The following GDPD4 variants were observed in gnomAD, a reference collection of about 807,000 sequenced individuals.
The protein encoded by GDPD4 is glycerophosphodiester phosphodiesterase 6.
A neutral mutation model predicts 67.8 loss-of-function variants in GDPD4; 60 were observed. That is an observed-to-expected ratio of 0.88 (90% CI 0.72 to 1.10). The LOEUF (loss-of-function observed/expected upper bound fraction) is 1.10, where lower values mean the gene tolerates loss of function less well. GDPD4 is among the 50% of genes least tolerant of loss of function. The pLI is 0.00. For missense variants in GDPD4, 623 were observed against 613.9 expected (o/e 1.01, Z -0.16); for synonymous variants, 212 against 210.9 (o/e 1.00, Z -0.04).
chr11:77,256,495 A>G (rs891671645), intron 11 of GDPD4, among the ~76,000 whole-genome samples: 3 of 152,238 alleles, frequency 2.0e-5, no homozygotes, highest in Non-Finnish European at 2.9e-5. Context: ...GCTATTTCTT[A>G]TATCAATACT....
At chr11:77,253,620 C>T (rs900177976) in intron 11 of GDPD4, among the ~76,000 whole-genome samples, 4 of 152,146 alleles carry the variant, frequency 2.6e-5, no homozygotes, top group African/African-American at 9.7e-5. Flanking sequence ...GTTAGCTCAG[C>T]CATGGAACGT....
chr11:77,284,863 A>G (rs1367332997), intron 3 of GDPD4, among the ~76,000 whole-genome samples: 5 of 152,212 alleles, frequency 3.3e-5, no homozygotes, highest in Non-Finnish European at 7.4e-5. Flanking sequence ...GATTTAGTCT[A>G]AGTATGAGAC....
At chr11:77,251,885 C>T (rs1231877103) in intron 11 of GDPD4, among the ~76,000 whole-genome samples, 1 of 151,890 alleles carries the variant, frequency 6.6e-6, no homozygotes, top group Non-Finnish European at 1.5e-5. Context: ...TATTCTTTTT[C>T]ATTCTCATTT....
chr11:77,297,051 CAAAAAAAACAAAAA>C (rs138629423), intron 1 of GDPD4, among the ~76,000 whole-genome samples: 5,972 of 70,200 alleles, frequency 0.085, 429 homozygotes, highest in African/African-American at 0.26. Flanking sequence ...GAGACTGCCT[CAAAAAAAACAAAAA>C]AAAAAAAACA....
Position 77,233,275 on chromosome 11 carries a change from A to G in GDPD4, c.1242-103T>C. The G allele has an allele frequency of 2.8e-6, 3 of 1,081,032 alleles. No individual in the cohort carries two copies. The South Asian group carries it at 4.2e-5, about 15-fold the overall frequency. The allele number at this position is 1,081,032 out of a possible 1,614,324, so 67.0% of individuals were successfully genotyped here. On this transcript the variant is annotated intron_variant, in intron 13 of 16. Coordinates refer to ENST00000315938, the MANE Select transcript of GDPD4 (RefSeq NM_182833.3). ...TTTGTGAAAGGCTGTTGCCTAAATC[A>G]CCAGAAGCAGCTGATCCAGGGACAA...
rs890695820 is a variant in GDPD4, at chr11:77,269,140, A to T, written c.479-71T>A. ...GAGGGATGGAAAATCATCCCAAGCA[A>T]AGCAGCAGTCTGAGTAAACCCACAG... On this transcript the variant is annotated intron_variant, in intron 8 of 16. Transcript: ENST00000315938. The T allele has an allele frequency of 2.8e-6, 4 of 1,431,872 alleles. No individual in the cohort carries two copies. The African/African-American group carries it at 5.6e-5, about 20-fold the overall frequency. 88.7% of individuals were successfully genotyped at this position (1,431,872 alleles called of 1,614,324 possible). A position where few individuals can be genotyped will look rare whatever the true frequency, so the allele number is the denominator to read the frequency against.
At position 77,245,361 on chromosome 11, in the gene GDPD4, G is replaced by C. The variant is rs775715309; in HGVS notation, c.1006C>G (p.Pro336Ala). The C allele has an allele frequency of 1.2e-6, 2 of 1,614,070 alleles. No individual in the cohort carries two copies. Among genetic ancestry groups the C allele is most frequent in the Non-Finnish European group, 1.7e-6 (2 of 1,180,028 alleles). Residue 336 changes from proline (P) to alanine (A), a missense_variant, in exon 12 of 17, where the codon CCA (proline) becomes GCA (alanine). Transcript: ENST00000315938. ...GTGTGTCTGAGAGGATGTTTTGGTG[G>C]AGGGCGATGAAGATCAAATATCACA... ...KFVIFDLHRP[P>A]PKHPLRHTFV... is the part of the protein sequence containing the mutation.
chr11:77,223,976 C>T (rs1244793642), intron 16 of GDPD4, among the ~76,000 whole-genome samples: 4 of 152,224 alleles, frequency 2.6e-5, no homozygotes, highest in African/African-American at 7.2e-5. Flanking sequence ...GAGCAAGGCT[C>T]TGTGGGCGTG....
At position 77,243,816 on chromosome 11, in the gene GDPD4, G is replaced by C. The variant is rs139949435; in HGVS notation, c.1119C>G (p.Tyr373Ter). ...GAAAACCAGGAGCCACGGACCTGAC[G>C]TATTGCCTATCATGAGCTGGCAACC... ...IFWLPAHDRQ[Y>*]VRSVAPGFQH... is the part of the protein sequence containing the mutation. Residue 373 changes from tyrosine to a stop codon, truncating the protein, a stop_gained, in exon 13 of 17, where the codon TAC becomes TAG. Coordinates refer to ENST00000315938, the MANE Select transcript of GDPD4 (RefSeq NM_182833.3). LOFTEE classifies it high-confidence loss of function. 6.2e-7 allele frequency: 1 copy of C among 1,613,568 alleles called. No individual in the cohort carries two copies. Among genetic ancestry groups the C allele is most frequent in the Non-Finnish European group, 8.5e-7 (1 of 1,179,748 alleles).
At chr11:77,265,368 T>G (rs1351140955) in intron 10 of GDPD4, among the ~76,000 whole-genome samples, 1 of 152,134 alleles carries the variant, frequency 6.6e-6, no homozygotes, top group Non-Finnish European at 1.5e-5. Context: ...GAGCAGTATA[T>G]AGGGCCTAGA....
chr11:77,256,868 T>C (rs1358395466), intron 11 of GDPD4, among the ~76,000 whole-genome samples: 1 of 152,252 alleles, frequency 6.6e-6, no homozygotes, highest in East Asian at 1.9e-4. Flanking sequence ...TTGTAGAGCA[T>C]GTAGAACCAT....
Position 77,258,555 on chromosome 11 carries a change from T to G in GDPD4, c.708-13A>C. On this transcript the variant is annotated splice_polypyrimidine_tract_variant and intron_variant, in intron 10 of 16. Transcript: ENST00000315938. ...CACATGATCATAACTGAGGCAGAGG[T>G]AGAAAAGAAGGGCAGGGGTAGATAG... is the stretch of plus-strand genomic sequence containing the variant. The G allele has an allele frequency of 6.2e-7, 1 of 1,612,958 alleles. No homozygotes were observed. The highest frequency in any genetic ancestry group is 1.7e-5 in the Admixed American group (1 of 59,978).
chr11:77,278,211 C>T (rs1021341650), intron 4 of GDPD4, among the ~76,000 whole-genome samples: 12 of 152,172 alleles, frequency 7.9e-5, no homozygotes, highest in Non-Finnish European at 1.2e-4. Context: ...CCGCCTCGGC[C>T]TCCCAAAGTG....
intron 11 of GDPD4, among the ~76,000 whole-genome samples, chr11:77,251,912 G>T (rs1434561514): frequency 6.6e-6 from 1 of 151,452 alleles, no homozygotes; most frequent in Non-Finnish European, 1.5e-5. Context: ...TTCTCCTCTG[G>T]GTAATTTTCA....
chr11:77,237,949 C>T (rs181427092), intron 13 of GDPD4, among the ~76,000 whole-genome samples: 16 of 152,222 alleles, frequency 1.1e-4, no homozygotes, highest in Non-Finnish European at 1.8e-4. Flanking sequence ...AAGTTTATAG[C>T]TTTAAATGTT....
chr11:77,243,803 C>G lies in GDPD4; in HGVS notation c.1132G>C (p.Ala378Pro), dbSNP rs779968297. 6 of 1,613,676 alleles carry G rather than the reference C, an allele frequency of 3.7e-6. No individual in the cohort carries two copies. In the Admixed American group the frequency reaches 1.0e-4, roughly 27 times the overall value. The change falls in exon 13 of 17, where the codon GCT becomes CCT. Residue 378 changes from alanine (A) to proline (P), a missense_variant. Coordinates refer to ENST00000315938, the MANE Select transcript of GDPD4 (RefSeq NM_182833.3). The stretch of plus-strand genomic sequence containing the variant: ...CGGCCCACATGCTGAAAACCAGGAG[C>G]CACGGACCTGACGTATTGCCTATCA... ...AHDRQYVRSV[A>P]PGFQHVGRLV...
Position 77,268,926 on chromosome 11 carries a change from T to C in GDPD4, c.622A>G (p.Met208Val). Residue 208 changes from methionine to valine, a missense_variant and splice_region_variant, in exon 9 of 17, where the codon ATG becomes GTG. Transcript: ENST00000315938. The part of the protein sequence containing the change: ...PTIFGHRGAP[M>V]LGPENTMMSF... ...ATGTTCATCATGCTCAGACCTACCA[T>C]GGGTGCACCTCTATGTCCAAAGATG... is the stretch of plus-strand genomic sequence containing the variant. 6.2e-7 allele frequency: 1 copy of C among 1,613,908 alleles called. No individual in the cohort carries two copies. Among genetic ancestry groups the C allele is most frequent in the South Asian group, 1.1e-5 (1 of 91,066 alleles).
intron 1 of GDPD4, among the ~76,000 whole-genome samples, chr11:77,296,488 T>A (rs1466113721): frequency 2.0e-5 from 3 of 150,392 alleles, no homozygotes; most frequent in African/African-American, 7.3e-5. Context: ...GCTCGGATAA[T>A]TTTTTGTATT....
At chr11:77,247,059 C>G (rs1292258321) in intron 11 of GDPD4, among the ~76,000 whole-genome samples, 1 of 152,194 alleles carries the variant, frequency 6.6e-6, no homozygotes, top group Non-Finnish European at 1.5e-5. Flanking sequence ...TCTTCTTCTT[C>G]TTCCTTTGAC....
Sources: allele counts gnomAD v4.1 joint callset (sites outside exome capture counted in the v4.1 genomes callset), GRCh38; gene constraint gnomAD v4.1.1; transcripts MANE v1.5; gene names NCBI Gene and HGNC (gene_info 2026-07-23, HGNC 2026-07-21).